Variants in USO1 observed in about 807,000 individuals in gnomAD.
USO1 encodes general vesicular transport factor p115.
USO1 carries 57 observed loss-of-function variants against 124.5 expected under a neutral mutation model. That is an observed-to-expected ratio of 0.46 (90% CI 0.37 to 0.57). The LOEUF (loss-of-function observed/expected upper bound fraction) is 0.57. USO1 is among the 20% of genes least tolerant of loss of function. USO1 has a pLI of 0.00. For missense variants in USO1, 900 were observed against 1,040.6 expected (o/e 0.86, Z 1.86); for synonymous variants, 369 against 362.8 (o/e 1.02, Z -0.19).
At chr4:75,768,156 A>G (rs1341756445) in intron 4 of USO1, among the ~76,000 whole-genome samples, 1 of 152,150 alleles carries the variant, frequency 6.6e-6, no homozygotes, top group East Asian at 1.9e-4. Context: ...AGCTGGGACT[A>G]CAGGCATGCG....
Position 75,813,977 on chromosome 4 carries a change from A to G in USO1, c.*682A>G, listed in dbSNP as rs1723221681. The G allele has an allele frequency of 6.6e-6, 1 of 152,220 alleles. No homozygotes were observed. The highest frequency in any genetic ancestry group is 1.5e-5 in the Non-Finnish European group (1 of 68,044). The allele number at this position is 152,220 out of a possible 1,614,324, so 9.4% of individuals were successfully genotyped here. A position where few individuals can be genotyped will look rare whatever the true frequency, so the allele number is the denominator to read the frequency against. ...ATGTGATTGGTTTTCTTTTTGTTTT[A>G]AGCTAAACATCTAAAACAAATTTCA... On this transcript the variant is annotated 3_prime_UTR_variant, in exon 24 of 24. Transcript: ENST00000514213.
At position 75,770,574 on chromosome 4, in the gene USO1, A is replaced by G. The variant is rs1308493785; in HGVS notation, c.396+35A>G. ...GAACCTTGATGTTTTTGTCATCTTA[A>G]TAAGCTGCTTTTGTTGCCTTTTGGA... On this transcript the variant is annotated intron_variant, in intron 5 of 23. Coordinates refer to ENST00000514213, the MANE Select transcript of USO1 (RefSeq NM_003715.4). 10 of 1,533,502 alleles carry G rather than the reference A, an allele frequency of 6.5e-6. No homozygotes were observed. The South Asian group carries it at 8.7e-5, about 13-fold the overall frequency. The allele number at this position is 1,533,502 out of a possible 1,614,324, so 95.0% of individuals were successfully genotyped here.
chr4:75,806,341 T>A (rs1722995460), intron 19 of USO1, 145 bp from the exon 20 acceptor site: 1 of 1,052,450 alleles, frequency 9.5e-7, no homozygotes, highest in South Asian at 1.7e-5. Context: ...GTGTTGGAAT[T>A]TTATCTTGGG....
intron 13 of USO1, among the ~76,000 whole-genome samples, chr4:75,799,340 TAGC>T (rs952775767): frequency 6.6e-6 from 1 of 152,164 alleles, no homozygotes; most frequent in African/African-American, 2.4e-5. Context: ...TTTTTTTCCT[TAGC>T]AGACAAGGTT....
intron 23 of USO1, 136 bp downstream of exon 23, chr4:75,812,511 C>A: frequency 8.8e-7 from 1 of 1,136,760 alleles, no homozygotes; most frequent in Non-Finnish European, 1.2e-6. Flanking sequence ...ATGGTACCAT[C>A]TATACTGTTT....
chr4:75,799,425 T>C (rs1278511695), intron 13 of USO1, among the ~76,000 whole-genome samples, 197 bp from the exon 14 acceptor site: 1 of 152,204 alleles, frequency 6.6e-6, no homozygotes, highest in Admixed American at 6.5e-5. Context: ...TTCTGCACTC[T>C]GTTCATTTTA....
In USO1 at chr4:75,751,500, C is replaced by T. The variant is rs964807067; in HGVS notation, c.67-873C>T. On this transcript the variant is annotated intron_variant, in intron 1 of 23. Coordinates refer to ENST00000514213, the MANE Select transcript of USO1 (RefSeq NM_003715.4). Reference sequence around the variant, plus strand: ...GTGCTGGGATTACAGGCATGAGCCACTGAGCCCGGCCAAGATTCGTTTTAA... The same window carrying T: ...GTGCTGGGATTACAGGCATGAGCCATTGAGCCCGGCCAAGATTCGTTTTAA... 5.4e-5 allele frequency among the ~76,000 whole-genome samples: 8 copies of T among 148,058 alleles called. No homozygotes were observed. In the East Asian group the frequency reaches 1.6e-3, roughly 30 times the overall value.
intron 10 of USO1, among the ~76,000 whole-genome samples, chr4:75,788,603 C>T (rs1047029938): frequency 2.7e-5 from 4 of 149,636 alleles, no homozygotes; most frequent in African/African-American, 7.4e-5. Context: ...AGTGCAATGG[C>T]ATGATCTCGG....
intron 9 of USO1, among the ~76,000 whole-genome samples, chr4:75,786,763 C>T (rs1010938011): frequency 4.6e-5 from 7 of 152,094 alleles, no homozygotes; most frequent in Admixed American, 1.3e-4. Flanking sequence ...CATTCATTTA[C>T]TTATTAAATA....
chr4:75,797,678 G>A (rs1722728394), intron 13 of USO1, among the ~76,000 whole-genome samples: 1 of 150,422 alleles, frequency 6.6e-6, no homozygotes, highest in African/African-American at 2.5e-5. Context: ...GTCTCACTCT[G>A]TCACCCAGAC....
At chr4:75,788,857 A>G (rs943478307) in intron 10 of USO1, among the ~76,000 whole-genome samples, 3 of 152,196 alleles carry the variant, frequency 2.0e-5, no homozygotes, top group Non-Finnish European at 4.4e-5. Flanking sequence ...TTTTCTAAAA[A>G]AAAGAATAAG....
Position 75,812,260 on chromosome 4 carries a change from T to C in USO1, c.2684T>C (p.Leu895Pro), listed in dbSNP as rs755175103. The change falls in exon 23 of 24, where the codon CTA (leucine) becomes CCA (proline). Residue 895 changes from leucine (L) to proline (P), a missense_variant. Transcript: ENST00000514213. ...ATTTTACAAACTGAGAAAGACAAAC[T>C]AGAGTTGGAAATTACAGATTCTAAA... ...IAILQTEKDK[L>P]ELEITDSKKE... 3 of 1,609,330 alleles carry C rather than the reference T, an allele frequency of 1.9e-6. No individual in the cohort carries two copies. In the South Asian group the frequency reaches 3.3e-5, roughly 18 times the overall value.
intron 4 of USO1, chr4:75,767,504 G>A: frequency 4.7e-6 from 2 of 421,184 alleles, no homozygotes; most frequent in South Asian, 1.7e-5. Flanking sequence ...CAGCACTTTG[G>A]GAGGCCAAGG....
chr4:75,751,569 G>T (rs947824107), intron 1 of USO1, among the ~76,000 whole-genome samples: 88 of 147,234 alleles, frequency 6.0e-4, no homozygotes, highest in African/African-American at 2.2e-3. Flanking sequence ...AGTGGCTCAT[G>T]CCTGTAATCC....
chr4:75,760,273 G>A (rs1478618509), intron 4 of USO1, among the ~76,000 whole-genome samples: 1 of 152,160 alleles, frequency 6.6e-6, no homozygotes, highest in Non-Finnish European at 1.5e-5. Context: ...CTTCAGTTCT[G>A]TTATTGATAC....
At chr4:75,793,645 G>A (rs369536369) in intron 12 of USO1, 45 bp from the exon 13 acceptor site, 71 of 1,550,370 alleles carry the variant, frequency 4.6e-5, no homozygotes, top group African/African-American at 3.0e-4. Context: ...TTTGGTTTAC[G>A]TCAAAATCTA....
intron 13 of USO1, chr4:75,795,200 A>G (rs538301572): frequency 5.3e-5 from 33 of 621,944 alleles, no homozygotes; most frequent in Non-Finnish European, 8.6e-5. Context: ...AAGAAGTATC[A>G]TTAGAACCAT....
intron 13 of USO1, among the ~76,000 whole-genome samples, chr4:75,799,190 G>T (rs324728): frequency 1 from 151,771 of 151,946 alleles, 75,798 homozygotes; most frequent in Middle Eastern, 1. Flanking sequence ...TTGTTTTTTG[G>T]TTTTTTTTGA....
At chr4:75,808,386 T>C (rs942778135) in intron 20 of USO1, among the ~76,000 whole-genome samples, 1 of 152,178 alleles carries the variant, frequency 6.6e-6, no homozygotes. Context: ...ATGCCTAAGA[T>C]TGAGACAGGG....
Sources: allele counts gnomAD v4.1 joint callset (sites outside exome capture counted in the v4.1 genomes callset), GRCh38; gene constraint gnomAD v4.1.1; transcripts MANE v1.5; gene names NCBI Gene and HGNC (gene_info 2026-07-23, HGNC 2026-07-21).